Variants in OTUD3 observed in about 807,000 individuals in gnomAD.
OTUD3 encodes the protein OTU domain-containing protein 3.
OTUD3 carries 24 observed loss-of-function variants against 46.2 expected under a neutral mutation model. The ratio of observed to expected loss-of-function variants is 0.52; its 90% CI spans 0.38 to 0.73. The LOEUF is 0.73. OTUD3 is among the 30% of genes least tolerant of loss of function. The pLI, the probability that OTUD3 is intolerant of heterozygous loss-of-function variation, is 0.00. For missense variants in OTUD3, 455 were observed against 523.3 expected, an observed-to-expected ratio of 0.87 and a Z score of 1.27; for synonymous variants, 189 against 195.4, an observed-to-expected ratio of 0.97 and a Z score of 0.27.
chr1:19,890,770 G>A (rs1237698946), intron 2 of OTUD3, among the ~76,000 whole-genome samples: 1 of 152,120 alleles, frequency 6.6e-6, no homozygotes, highest in Non-Finnish European at 1.5e-5. Context: ...CCTGAAAAGC[G>A]ATTCATGACT....
chr1:19,907,959 CATTCATATTCTGT>C lies in OTUD3; in HGVS notation c.*215_*227del, dbSNP rs1287476549. The C allele has an allele frequency of 4.3e-6, 2 of 462,212 alleles. No homozygotes were observed. Among genetic ancestry groups the C allele is most frequent in the Non-Finnish European group, 3.8e-6 (1 of 261,290 alleles). 28.6% of individuals were successfully genotyped at this position (462,212 alleles called of 1,614,324 possible). ...GTGTTTTATGAAAATGCAGTGAGGC[CATTCATATTCTGT>C]AATACAAAATTAAAATACTGAGTTT... On this transcript the variant is annotated 3_prime_UTR_variant, in exon 8 of 8. Coordinates refer to ENST00000375120, the MANE Select transcript of OTUD3 (RefSeq NM_015207.2).
chr1:19,903,605 T>C (rs905650016), intron 4 of OTUD3, among the ~76,000 whole-genome samples: 2 of 152,322 alleles, frequency 1.3e-5, no homozygotes, highest in South Asian at 4.1e-4. Context: ...AAGAAGGTGG[T>C]TGAGCATCTA....
chr1:19,907,626 G>A lies in OTUD3; in HGVS notation c.1077G>A (p.Glu359=). 8 of 1,614,154 alleles carry A rather than the reference G, an allele frequency of 5.0e-6. No homozygotes were observed. The highest frequency in any genetic ancestry group is 2.2e-5 in the East Asian group (1 of 44,882). The change falls in exon 8 of 8, where the codon GAG becomes GAA. Residue 359 remains glutamate, a synonymous_variant. Coordinates refer to ENST00000375120, the MANE Select transcript of OTUD3 (RefSeq NM_015207.2). ...GGATGGAGAAGAAGAAGCGGCAGGA[G>A]GAGAGGCACCGCCACAAAGCCCTGG... ...QQWMEKKKRQ[E]ERHRHKALES... is the part of the protein sequence containing the mutation.
intron 2 of OTUD3, among the ~76,000 whole-genome samples, chr1:19,893,900 C>T (rs2045483462): frequency 1.3e-5 from 2 of 152,368 alleles, no homozygotes; most frequent in South Asian, 4.1e-4. Flanking sequence ...TAGGTGAAAC[C>T]TCAGCTCCAC....
At chr1:19,898,585 G>A (rs1043640397) in intron 4 of OTUD3, among the ~76,000 whole-genome samples, 15 of 151,762 alleles carry the variant, frequency 9.9e-5, no homozygotes, top group Non-Finnish European at 1.3e-4. Context: ...AAAATTAGCC[G>A]GGTGTGGTGG....
chr1:19,904,450 T>C, intron 5 of OTUD3, 52 bp downstream of exon 5: 1 of 1,544,774 alleles, frequency 6.5e-7, no homozygotes, highest in Non-Finnish European at 8.8e-7. Context: ...TTGCTGTGCC[T>C]AGCTTACTTC....
intron 4 of OTUD3, 34 bp from the exon 5 acceptor site, chr1:19,904,233 A>G (rs748084479): frequency 6.5e-6 from 10 of 1,540,380 alleles, no homozygotes; most frequent in East Asian, 4.5e-5. Flanking sequence ...TTGATTCTCA[A>G]CATAGTTCCC....
At chr1:19,904,194 T>G (rs2045627464) in intron 4 of OTUD3, 73 bp from the exon 5 acceptor site, 2 of 1,206,390 alleles carry the variant, frequency 1.7e-6, no homozygotes, top group Non-Finnish European at 2.3e-6. Context: ...CAGATTAGAG[T>G]GTCTTGTGTT....
intron 4 of OTUD3, among the ~76,000 whole-genome samples, chr1:19,902,929 G>C (rs1306977747): frequency 6.6e-6 from 1 of 151,770 alleles, no homozygotes; most frequent in African/African-American, 2.4e-5. Context: ...ACATCATTCT[G>C]TGGATTTACA....
chr1:19,900,501 T>C (rs1409728944), intron 4 of OTUD3, among the ~76,000 whole-genome samples: 2 of 152,070 alleles, frequency 1.3e-5, no homozygotes, highest in Non-Finnish European at 2.9e-5. Flanking sequence ...ATAGTTTGAC[T>C]TAAAAAAAAA....
rs758946019 is a variant in OTUD3, at chr1:19,904,948, A to G, written c.796A>G (p.Ile266Val). 1.9e-6 allele frequency: 3 copies of G among 1,596,118 alleles called. No homozygotes were observed. The highest frequency in any genetic ancestry group is 1.7e-5 in the Admixed American group (1 of 59,708). ...EAENYNIESAIIAVLRMNQGK... is the reference protein window; with the variant it reads ...EAENYNIESAVIAVLRMNQGK... ...TGAAAATTATAATATTGAATCTGCA[A>G]TAATTGCCGTGCTTCGGATGAACCA... The change falls in exon 6 of 8, where the codon ATA becomes GTA. Residue 266 changes from isoleucine to valine, a missense_variant. Coordinates refer to ENST00000375120, the MANE Select transcript of OTUD3 (RefSeq NM_015207.2).
rs1313225968 is a variant in OTUD3 at position 19,900,904 on chromosome 1, G to GT, written c.606+3253dup. Among the ~76,000 whole-genome samples the GT allele has an allele frequency of 9.3e-3, 1,204 of 129,464 alleles. 17 individuals are homozygous for GT. The highest frequency in any genetic ancestry group is 0.029 in the African/African-American group (1,002 of 34,838). 84.9% of individuals were successfully genotyped at this position (129,464 alleles called of 152,430 possible). The stretch of plus-strand genomic sequence containing the variant: ...CTAGTTCAAAGGAAATCCTATTGAG[G>GT]TTTTTTTTTTTGTTTTTTTTTTTTT... On this transcript the variant is annotated intron_variant, in intron 4 of 7. Coordinates refer to ENST00000375120, the MANE Select transcript of OTUD3 (RefSeq NM_015207.2).
rs1204527809 is a variant in OTUD3, at chr1:19,910,451, A to G, written c.*2705A>G. On this transcript the variant is annotated 3_prime_UTR_variant, in exon 8 of 8. Transcript: ENST00000375120. ...TAGTGGCAACAGCTTTGAACTAGAGAGGTAGATGTATTAAAGCAGCATAGA... is the reference window on the plus strand; with the variant it reads ...TAGTGGCAACAGCTTTGAACTAGAGGGGTAGATGTATTAAAGCAGCATAGA... 1.3e-5 allele frequency: 2 copies of G among 152,260 alleles called. No homozygotes were observed. The highest frequency in any genetic ancestry group is 4.8e-5 in the African/African-American group (2 of 41,424). The allele number at this position is 152,260 out of a possible 1,614,324, so 9.4% of individuals were successfully genotyped here.
intron 3 of OTUD3, among the ~76,000 whole-genome samples, chr1:19,897,283 C>T (rs1247377632): frequency 6.6e-6 from 1 of 152,134 alleles, no homozygotes; most frequent in East Asian, 1.9e-4. Flanking sequence ...TTAACTTCAT[C>T]GCAAGTCTGC....
chr1:19,888,634 C>T (rs1009591218), intron 1 of OTUD3, among the ~76,000 whole-genome samples: 3 of 152,278 alleles, frequency 2.0e-5, no homozygotes, highest in Middle Eastern at 3.4e-3. Flanking sequence ...GACTTGGATC[C>T]TGGGCCTACC....
In OTUD3 at chr1:19,904,892, A is replaced by G; in HGVS notation, c.740A>G (p.Asp247Gly). ...QKVCNATGCS[D>G]FNLIVQNLEA... is the part of the protein sequence containing the mutation. ...TTTGTTTGTTTGTTTCTTGGATAGG[A>G]TTTTAATTTAATAGTCCAGAACCTG... Residue 247 changes from aspartate (D) to glycine (G), a missense_variant and splice_region_variant, in exon 6 of 8, where the codon GAT (aspartate) becomes GGT (glycine). Physicochemically the swap from Asp to Gly is moderately conservative, Grantham distance 94 (BLOSUM62 -1). Coordinates refer to ENST00000375120, the MANE Select transcript of OTUD3 (RefSeq NM_015207.2). The G allele has an allele frequency of 1.3e-6, 2 of 1,482,892 alleles. No individual in the cohort carries two copies. Among genetic ancestry groups the G allele is most frequent in the Non-Finnish European group, 1.9e-6 (2 of 1,071,708 alleles). The allele number at this position is 1,482,892 out of a possible 1,614,324, so 91.9% of individuals were successfully genotyped here. A position where few individuals can be genotyped will look rare whatever the true frequency, so the allele number is the denominator to read the frequency against.
rs755693439 is a variant in OTUD3, at chr1:19,904,956, C to A, written c.804C>A (p.Ala268=). The A allele has an allele frequency of 6.3e-7, 1 of 1,590,922 alleles. No homozygotes were observed. Among genetic ancestry groups the A allele is most frequent in the East Asian group, 2.2e-5 (1 of 44,764 alleles). ...ATAATATTGAATCTGCAATAATTGC[C>A]GTGCTTCGGATGAACCAAGGGAAGA... The part of the protein sequence containing the change: ...ENYNIESAII[A]VLRMNQGKRN... The change falls in exon 6 of 8, where the codon GCC becomes GCA. Residue 268 remains alanine (A), a synonymous_variant. Coordinates refer to ENST00000375120, the MANE Select transcript of OTUD3 (RefSeq NM_015207.2).
chr1:19,907,697 C>T lies in OTUD3; in HGVS notation c.1148C>T (p.Ala383Val), dbSNP rs745643567. ...HRDNNRSEAEANTQVTLVKTF... is the reference protein window; with the variant it reads ...HRDNNRSEAEVNTQVTLVKTF... Reference sequence around the variant, plus strand: ...GACAATAACAGAAGCGAAGCAGAGGCGAACACGCAGGTCACCTTGGTGAAG... The same window carrying T: ...GACAATAACAGAAGCGAAGCAGAGGTGAACACGCAGGTCACCTTGGTGAAG... The change falls in exon 8 of 8, where the codon GCG becomes GTG. Residue 383 changes from alanine (A) to valine (V), a missense_variant. Ala to Val is a moderately conservative substitution (Grantham distance 64). Coordinates refer to ENST00000375120, the MANE Select transcript of OTUD3 (RefSeq NM_015207.2). 20 of 1,614,078 alleles carry T rather than the reference C, an allele frequency of 1.2e-5. No homozygotes were observed. In the Admixed American group the frequency reaches 2.2e-4, roughly 17 times the overall value.
Position 19,882,667 on chromosome 1 carries a change from GA to G in OTUD3, c.155del (p.Glu52GlyfsTer14). Reference protein sequence around the residue: ...ESGGGGGCEEEFVSFANQLQA... With the variant: ...ESGGGGGCEEXFVSFANQLQA... Reference sequence around the variant, plus strand: ...TGGCGGCGGCGGCGGCTGCGAGGAGGAGTTCGTCAGCTTCGCCAACCAGCTG... The same window carrying G: ...TGGCGGCGGCGGCGGCTGCGAGGAGGGTTCGTCAGCTTCGCCAACCAGCTG... On this transcript the variant is annotated frameshift_variant, in exon 1 of 8. Coordinates refer to ENST00000375120, the MANE Select transcript of OTUD3 (RefSeq NM_015207.2). LOFTEE classifies it high-confidence loss of function. The G allele has an allele frequency of 6.9e-7, 1 of 1,459,276 alleles. No homozygotes were observed. Among genetic ancestry groups the G allele is most frequent in the Non-Finnish European group, 9.0e-7 (1 of 1,107,288 alleles). 90.4% of individuals were successfully genotyped at this position (1,459,276 alleles called of 1,614,324 possible).
Sources: gnomAD v4.1 joint callset for allele counts (sites outside exome capture counted in the v4.1 genomes callset) on GRCh38, gnomAD v4.1.1 for gene constraint, MANE v1.5 for transcripts, NCBI Gene and HGNC (gene_info 2026-07-23, HGNC 2026-07-21) for gene names.